RAPH1: variants seen among roughly 807,000 people sequenced by gnomAD.
The protein encoded by RAPH1 is Ras association (RalGDS/AF-6) and pleckstrin homology domains 1, also known as ras-associated and pleckstrin homology domains-containing protein 1.
RAPH1 carries 18 observed loss-of-function variants against 88.1 expected under a neutral mutation model. That is an observed-to-expected ratio of 0.20 (90% confidence interval 0.14 to 0.30). The LOEUF is 0.30. RAPH1 is among the 10% of genes least tolerant of loss of function. The pLI, the probability that RAPH1 is intolerant of heterozygous loss-of-function variation, is 1.00. For missense variants in RAPH1, 1,448 were observed against 1,543.2 expected, an observed-to-expected ratio of 0.94 and a Z score of 1.03; for synonymous variants, 587 against 559.0, an observed-to-expected ratio of 1.05 and a Z score of -0.71.
At chr2:203,520,932 T>C (rs897357955) in intron 1 of RAPH1, among the ~76,000 whole-genome samples, 1 of 152,120 alleles carries the variant, frequency 6.6e-6, no homozygotes, top group African/African-American at 2.4e-5. Flanking sequence ...ATCCTAACTA[T>C]CTAACTGTCC....
chr2:203,468,214 C>A (rs1305597608), intron 4 of RAPH1, among the ~76,000 whole-genome samples: 3 of 152,138 alleles, frequency 2.0e-5, no homozygotes, highest in Non-Finnish European at 4.4e-5. Context: ...GTTATTTATT[C>A]TTTTCAATGG....
intron 1 of RAPH1, among the ~76,000 whole-genome samples, chr2:203,498,416 C>A (rs1688606680): frequency 2.0e-5 from 3 of 152,084 alleles, no homozygotes; most frequent in Admixed American, 6.6e-5. Context: ...TCAAAGAGAA[C>A]AGGGAGAGAA....
rs1459110971 is a variant in RAPH1 at position 203,489,685 on chromosome 2, T to A, written c.631A>T (p.Ser211Cys). 6.2e-7 allele frequency: 1 copy of A among 1,614,182 alleles called. No homozygotes were observed. The highest frequency in any genetic ancestry group is 1.1e-5 in the South Asian group (1 of 91,086). ...VHSISNSSHS[S>C]ITSAASSMDS... ...ATGCTGGAGGCTGCGGAAGTGATGC[T>A]GGAATGGGAGGAATTACTAATAGAG... Residue 211 changes from serine (S) to cysteine (C), a missense_variant, in exon 4 of 14, where the codon AGC (serine) becomes TGC (cysteine). Coordinates refer to ENST00000319170, the MANE Select transcript of RAPH1 (RefSeq NM_213589.3).
intron 4 of RAPH1, among the ~76,000 whole-genome samples, chr2:203,463,356 T>C (rs2098525758): frequency 6.6e-6 from 1 of 152,168 alleles, no homozygotes; most frequent in East Asian, 1.9e-4. Flanking sequence ...AGCTAAAGCT[T>C]CCAGGGCAAA....
intron 1 of RAPH1, among the ~76,000 whole-genome samples, chr2:203,520,401 G>A (rs1438129930): frequency 6.6e-6 from 1 of 151,812 alleles, no homozygotes; most frequent in African/African-American, 2.4e-5. Flanking sequence ...GCCGAGGCGG[G>A]TGGATCACCT....
At chr2:203,461,550 A>G (rs1581281658) in intron 5 of RAPH1, 142 bp from the exon 6 acceptor site, 2 of 573,408 alleles carry the variant, frequency 3.5e-6, no homozygotes, top group East Asian at 6.2e-5. Context: ...ATGCAAAAAT[A>G]TAGGCTAAAA....
At chr2:203,503,397 C>CAAGACAA (rs1313782054) in intron 1 of RAPH1, among the ~76,000 whole-genome samples, 5 of 152,036 alleles carry the variant, frequency 3.3e-5, no homozygotes, top group Non-Finnish European at 7.4e-5. Flanking sequence ...ATGGCAGTGG[C>CAAGACAA]AAGACAAAAT....
Position 203,433,963 on chromosome 2 carries a change from G to A in RAPH1, c.*5474C>T, listed in dbSNP as rs1339061970. 1 of 152,012 alleles carries A rather than the reference G, an allele frequency of 6.6e-6. No individual in the cohort carries two copies. 9.4% of individuals were successfully genotyped at this position (152,012 alleles called of 1,614,324 possible). ...CTGACATAACTGGCAAGAGTAACTT[G>A]GAAAATAACTTAATCCAGCAGAACA... On this transcript the variant is annotated 3_prime_UTR_variant, in exon 14 of 14. Coordinates refer to ENST00000319170, the MANE Select transcript of RAPH1 (RefSeq NM_213589.3).
At chr2:203,533,029 G>C (rs1294626289) in intron 1 of RAPH1, among the ~76,000 whole-genome samples, 2 of 152,084 alleles carry the variant, frequency 1.3e-5, no homozygotes, top group Admixed American at 1.3e-4. Context: ...AAGTATTTAT[G>C]GGGTGAGCAC....
At chr2:203,461,799 C>A in intron 5 of RAPH1, 49 bp downstream of exon 5, 2 of 1,449,850 alleles carry the variant, frequency 1.4e-6, no homozygotes, top group African/African-American at 1.4e-5. Flanking sequence ...TTCACAAATC[C>A]AAAAAACTGA....
At chr2:203,481,149 T>C (rs945974420) in intron 4 of RAPH1, among the ~76,000 whole-genome samples, 8 of 152,172 alleles carry the variant, frequency 5.3e-5, no homozygotes, top group African/African-American at 1.9e-4. Flanking sequence ...TGCCTTTTTC[T>C]CTCCTGCCCA....
At chr2:203,476,012 TG>T (rs1363573335) in intron 4 of RAPH1, among the ~76,000 whole-genome samples, 2 of 152,210 alleles carry the variant, frequency 1.3e-5, no homozygotes, top group Non-Finnish European at 2.9e-5. Flanking sequence ...ACAGTAAAGA[TG>T]GTGTTAGAAA....
chr2:203,445,742 G>A (rs2098508907), intron 12 of RAPH1: 1 of 152,134 alleles, frequency 6.6e-6, no homozygotes, highest in South Asian at 2.1e-4. Flanking sequence ...CCTGGGTGAT[G>A]GGAGAGGAAG....
In RAPH1 at chr2:203,448,567, C is replaced by A. The variant is rs1036620294; in HGVS notation, c.1512+171G>T. Among the ~76,000 whole-genome samples the A allele has an allele frequency of 4.6e-5, 7 of 152,014 alleles. No individual in the cohort carries two copies. Among genetic ancestry groups the A allele is most frequent in the African/African-American group, 1.7e-4 (7 of 41,382 alleles). ...GTATACCAAATGTTAAAAGTTTATC[C>A]CTATAAACAAGGAAAAAAGACAACA... is the stretch of plus-strand genomic sequence containing the variant. On this transcript the variant is annotated intron_variant, in intron 11 of 13. Transcript: ENST00000319170. The surrounding 1 kb of genome is among the most constrained non-coding windows in gnomAD (Gnocchi z 4.1).
At position 203,434,847 on chromosome 2, in the gene RAPH1, G is replaced by A. The variant is rs1243509334; in HGVS notation, c.*4590C>T. 1 of 152,554 alleles carries A rather than the reference G, an allele frequency of 6.6e-6. No homozygotes were observed. Among genetic ancestry groups the A allele is most frequent in the African/African-American group, 2.4e-5 (1 of 41,408 alleles). The allele number at this position is 152,554 out of a possible 1,614,324, so 9.5% of individuals were successfully genotyped here. On this transcript the variant is annotated 3_prime_UTR_variant, in exon 14 of 14. Coordinates refer to ENST00000319170, the MANE Select transcript of RAPH1 (RefSeq NM_213589.3). Reference sequence around the variant, plus strand: ...CCTGACTCAATTCACTTCTCTAAATGTCTTTGGTAGAAAGCAGCCAGACCC... The same window carrying A: ...CCTGACTCAATTCACTTCTCTAAATATCTTTGGTAGAAAGCAGCCAGACCC...
rs1030061241 is a variant in RAPH1 at position 203,448,895 on chromosome 2, T to C, written c.1414-59A>G. The C allele has an allele frequency of 1.1e-5, 12 of 1,142,086 alleles. No individual in the cohort carries two copies. The East Asian group carries it at 2.9e-4, about 28-fold the overall frequency. 70.7% of individuals were successfully genotyped at this position (1,142,086 alleles called of 1,614,324 possible). On this transcript the variant is annotated intron_variant, in intron 10 of 13. Coordinates refer to ENST00000319170, the MANE Select transcript of RAPH1 (RefSeq NM_213589.3). This position sits in a 1 kb window ranked among gnomAD's most constrained non-coding sequence, Gnocchi z 4.1. Reference sequence around the variant, plus strand: ...CTTGGAGAACTAAAGAAAAACAAACTTTATCAAAGCTTAAACATATCCTGA... The same window carrying C: ...CTTGGAGAACTAAAGAAAAACAAACCTTATCAAAGCTTAAACATATCCTGA...
chr2:203,512,745 TC>T (rs979203708), intron 1 of RAPH1, among the ~76,000 whole-genome samples: 7 of 149,174 alleles, frequency 4.7e-5, no homozygotes, highest in Non-Finnish European at 8.9e-5. Context: ...TGCCTCAGCC[TC>T]CCAAGTAGCT....
rs779455575 is a variant in RAPH1 at position 203,491,331 on chromosome 2, G to C, written c.121-12C>G. 3.8e-6 allele frequency: 6 copies of C among 1,559,800 alleles called. No homozygotes were observed. The highest frequency in any genetic ancestry group is 1.7e-4 in the Middle Eastern group (1 of 5,904). On this transcript the variant is annotated splice_polypyrimidine_tract_variant and intron_variant, in intron 2 of 13. Transcript: ENST00000319170. ...TCAGAATCCAAACTCTTTATAAAAA[G>C]AAAGTTTAATAGTCATATTAAATTC...
chr2:203,530,345 A>G (rs995236178), intron 1 of RAPH1, among the ~76,000 whole-genome samples: 1 of 152,204 alleles, frequency 6.6e-6, no homozygotes, highest in African/African-American at 2.4e-5. Context: ...GTAAACTCAA[A>G]TAAAGAGATA....
Sources: allele counts gnomAD v4.1 joint callset (sites outside exome capture counted in the v4.1 genomes callset), GRCh38; gene constraint gnomAD v4.1.1; non-coding constraint Gnocchi (gnomAD v3.1); transcripts MANE v1.5; gene names NCBI Gene and HGNC (gene_info 2026-07-23, HGNC 2026-07-21).